The following FSTL5 variants were observed in gnomAD, a reference collection of about 807,000 sequenced individuals.
The protein encoded by FSTL5 is follistatin like 5.
Under a neutral mutation model 89.1 loss-of-function variants are expected in FSTL5, and 62 were observed. That is an observed-to-expected ratio of 0.70 (90% confidence interval 0.57 to 0.86). The LOEUF (loss-of-function observed/expected upper bound fraction) is 0.86, where lower values mean the gene tolerates loss of function less well. FSTL5 is among the 40% of genes least tolerant of loss of function. The pLI is 0.00. For missense variants in FSTL5, 1,057 were observed against 1,001.6 expected, an observed-to-expected ratio of 1.06 and a Z score of -0.75; for synonymous variants, 383 against 346.2, an observed-to-expected ratio of 1.11 and a Z score of -1.18.
At chr4:161,469,774 A>G (rs1733872848) in intron 13 of FSTL5, among the ~76,000 whole-genome samples, 1 of 151,580 alleles carries the variant, frequency 6.6e-6, no homozygotes, top group Non-Finnish European at 1.5e-5. Flanking sequence ...AGTGGCTGGG[A>G]CTACAGGCGC....
chr4:162,043,026 G>A (rs1221665121), intron 2 of FSTL5, among the ~76,000 whole-genome samples: 1 of 151,670 alleles, frequency 6.6e-6, no homozygotes, highest in Non-Finnish European at 1.5e-5. Context: ...CAGCGCACCA[G>A]CATGGCACAT....
At chr4:161,676,324 A>T (rs767026874) in intron 6 of FSTL5, among the ~76,000 whole-genome samples, 16 of 152,160 alleles carry the variant, frequency 1.1e-4, no homozygotes, top group Admixed American at 7.9e-4. Flanking sequence ...TATGCAGTCA[A>T]AAAAAAGGAT....
At position 161,808,266 on chromosome 4, in the gene FSTL5, T is replaced by TA. The variant is rs935244892; in HGVS notation, c.410-32193dup. On this transcript the variant is annotated intron_variant, in intron 4 of 15. Coordinates refer to ENST00000306100, the MANE Select transcript of FSTL5 (RefSeq NM_020116.5). Reference sequence around the variant, plus strand: ...GTAAAAATAATTAGACAGGGATTTCTAAAAAAAAATCAAACATAGAATTAC... The same window carrying TA: ...GTAAAAATAATTAGACAGGGATTTCTAAAAAAAAAATCAAACATAGAATTAC... Among the ~76,000 whole-genome samples, 109 of 151,332 alleles carry TA rather than the reference T, an allele frequency of 7.2e-4. 1 individual carries two copies. The highest frequency in any genetic ancestry group is 2.1e-3 in the African/African-American group (87 of 41,308).
At chr4:161,768,573 T>C (rs1741097514) in intron 5 of FSTL5, among the ~76,000 whole-genome samples, 1 of 152,038 alleles carries the variant, frequency 6.6e-6, no homozygotes, top group Admixed American at 6.6e-5. Flanking sequence ...ATCTAAACTG[T>C]ATTTCAATGT....
At chr4:161,829,176 C>CTG (rs1730764200) in intron 4 of FSTL5, among the ~76,000 whole-genome samples, 1 of 143,966 alleles carries the variant, frequency 6.9e-6, no homozygotes, top group South Asian at 2.2e-4. Context: ...CACAGACACA[C>CTG]TGTATATATA....
At position 161,705,985 on chromosome 4, in the gene FSTL5, T is replaced by C. The variant is rs1579036305; in HGVS notation, c.728-49491A>G. Among the ~76,000 whole-genome samples the C allele has an allele frequency of 2.1e-5, 2 of 94,232 alleles. 1 individual carries two copies. Among genetic ancestry groups the C allele is most frequent in the Non-Finnish European group, 4.1e-5 (2 of 48,326 alleles). The allele number at this position is 94,232 out of a possible 152,430, so 61.8% of individuals were successfully genotyped here. A position where few individuals can be genotyped will look rare whatever the true frequency, so the allele number is the denominator to read the frequency against. On this transcript the variant is annotated intron_variant, in intron 6 of 15. Coordinates refer to ENST00000306100, the MANE Select transcript of FSTL5 (RefSeq NM_020116.5). Reference sequence around the variant, plus strand: ...ATATATATATATATATATATATATATATATATATATACACACATCTACACA... The same window carrying C: ...ATATATATATATATATATATATATACATATATATATACACACATCTACACA...
intron 4 of FSTL5, among the ~76,000 whole-genome samples, chr4:161,882,878 G>A (rs1732678494): frequency 6.6e-6 from 1 of 152,112 alleles, no homozygotes; most frequent in Non-Finnish European, 1.5e-5. Flanking sequence ...GGTGATGCAT[G>A]TAGGAAGATA....
intron 2 of FSTL5, among the ~76,000 whole-genome samples, chr4:162,037,023 C>T (rs1483561): frequency 0.99 from 150,126 of 152,006 alleles, 74,158 homozygotes; most frequent in East Asian, 1. Flanking sequence ...GTTTATTGGC[C>T]TTTTGCTTTA....
At chr4:161,887,975 T>G (rs1732868348) in intron 4 of FSTL5, among the ~76,000 whole-genome samples, 1 of 152,208 alleles carries the variant, frequency 6.6e-6, no homozygotes, top group Non-Finnish European at 1.5e-5. Context: ...AATGCATTGA[T>G]TTCACCAAAG....
intron 4 of FSTL5, among the ~76,000 whole-genome samples, chr4:161,779,157 A>C (rs1306572144): frequency 6.6e-6 from 1 of 152,174 alleles, no homozygotes; most frequent in African/African-American, 2.4e-5. Flanking sequence ...ATTTTGATCT[A>C]ATCTAGTCAG....
At chr4:161,779,785 A>ACATACATATATATG (rs1741570582) in intron 4 of FSTL5, among the ~76,000 whole-genome samples, 3 of 44,304 alleles carry the variant, frequency 6.8e-5, no homozygotes, top group Non-Finnish European at 3.5e-5. Flanking sequence ...GTATATATAT[A>ACATACATATATATG]TATATATATA....
At chr4:161,833,948 C>T (rs549097058) in intron 4 of FSTL5, among the ~76,000 whole-genome samples, 2 of 152,120 alleles carry the variant, frequency 1.3e-5, no homozygotes, top group Non-Finnish European at 2.9e-5. Flanking sequence ...TTATTTTGCT[C>T]GTTAGTTGAT....
At chr4:161,701,755 T>C (rs907478400) in intron 6 of FSTL5, among the ~76,000 whole-genome samples, 2 of 152,158 alleles carry the variant, frequency 1.3e-5, no homozygotes, top group African/African-American at 4.8e-5. Flanking sequence ...TAGACTTAAA[T>C]ATTTATTAAG....
chr4:162,111,275 T>G lies in FSTL5; in HGVS notation c.122A>C (p.His41Pro). The part of the protein sequence containing the change: ...KSYQPLMRLR[H>P]KQEKNQESSR... Reference sequence around the variant, plus strand: ...GATTCAGAATATTGACTGTACCTTATGTCGCAATCTCATTAGAGGCTGATA... The same window carrying G: ...GATTCAGAATATTGACTGTACCTTAGGTCGCAATCTCATTAGAGGCTGATA... Residue 41 changes from histidine to proline, a missense_variant, in exon 2 of 16, where the codon CAT becomes CCT. Transcript: ENST00000306100. 1 of 1,606,646 alleles carries G rather than the reference T, an allele frequency of 6.2e-7. No homozygotes were observed. Among genetic ancestry groups the G allele is most frequent in the Non-Finnish European group, 8.5e-7 (1 of 1,175,100 alleles).
At chr4:161,494,342 G>C (rs914661018) in intron 12 of FSTL5, among the ~76,000 whole-genome samples, 1 of 152,168 alleles carries the variant, frequency 6.6e-6, no homozygotes, top group African/African-American at 2.4e-5. Flanking sequence ...ATGGGGAAAT[G>C]AATTGTTTGC....
chr4:161,841,903 T>C (rs560340554), intron 4 of FSTL5, among the ~76,000 whole-genome samples: 1 of 152,226 alleles, frequency 6.6e-6, no homozygotes, highest in Admixed American at 6.5e-5. Flanking sequence ...GGGCTGCCGG[T>C]CTGTTCAGAT....
intron 1 of FSTL5, among the ~76,000 whole-genome samples, chr4:162,158,469 T>TA (rs1733568664): frequency 6.6e-6 from 1 of 152,082 alleles, no homozygotes; most frequent in African/African-American, 2.4e-5. Context: ...AATTAAGGAA[T>TA]AGTCTTGGGG....
At chr4:161,862,461 G>A (rs1284016784) in intron 4 of FSTL5, among the ~76,000 whole-genome samples, 1 of 152,140 alleles carries the variant, frequency 6.6e-6, no homozygotes, top group Non-Finnish European at 1.5e-5. Flanking sequence ...AAGGCCGTGT[G>A]CGGTATCTCA....
chr4:161,653,751 A>G (rs1389024461), intron 7 of FSTL5, among the ~76,000 whole-genome samples: 1 of 152,204 alleles, frequency 6.6e-6, no homozygotes, highest in African/African-American at 2.4e-5. Context: ...CGATAAATGC[A>G]TCAAAATGTA....
Sources: gnomAD v4.1 joint callset for allele counts (sites outside exome capture counted in the v4.1 genomes callset) on GRCh38, gnomAD v4.1.1 for gene constraint, MANE v1.5 for transcripts, NCBI Gene and HGNC (gene_info 2026-07-23, HGNC 2026-07-21) for gene names.